Variants in SLC9A9 observed in about 807,000 individuals in gnomAD.
The protein encoded by SLC9A9 is solute carrier family 9 member A9, also known as sodium/hydrogen exchanger 9.
Under a neutral mutation model 77.8 loss-of-function variants are expected in SLC9A9, and 62 were observed. The observed-to-expected ratio is 0.80, with a 90% CI of 0.65 to 0.98. The LOEUF (loss-of-function observed/expected upper bound fraction) is 0.98, where lower values mean the gene tolerates loss of function less well. Among genes scored for constraint, SLC9A9 ranks in the 50% least tolerant of loss-of-function variants. The probability of loss-of-function intolerance (pLI) is 0.00; values close to 1 mark genes in which losing one functional copy is unlikely to be tolerated. For synonymous variants in SLC9A9, 320 were observed against 283.5 expected, an observed-to-expected ratio of 1.13 and a Z score of -1.29; for missense variants, 775 against 774.9, an observed-to-expected ratio of 1.00 and a Z score of 0.00.
At position 143,637,657 on chromosome 3, in the gene SLC9A9, G is replaced by A. The variant is rs528057272; in HGVS notation, c.755+14598C>T. Among the ~76,000 whole-genome samples the A allele has an allele frequency of 2.4e-4, 36 of 152,216 alleles. No individual in the cohort carries two copies. The South Asian group carries it at 5.4e-3, about 23-fold the overall frequency. ...TGCTTTTATAATCTATAGCTTTAGC[G>A]TAACTGACATCTAAAATCTCAACAG... On this transcript the variant is annotated intron_variant, in intron 6 of 15. Transcript: ENST00000316549.
At position 143,265,236 on chromosome 3, in the gene SLC9A9, A is replaced by AATTT. The variant is rs1321665173; in HGVS notation, c.*1462_*1465dup. ...AAACACAATCATACTTTGTAACAAA[A>AATTT]ATTTATTAGGATTAAGTCAAATTAG... On this transcript the variant is annotated 3_prime_UTR_variant, in exon 16 of 16. Coordinates refer to ENST00000316549, the MANE Select transcript of SLC9A9 (RefSeq NM_173653.4). 1 of 152,320 alleles carries AATTT rather than the reference A, an allele frequency of 6.6e-6. No individual in the cohort carries two copies. The highest frequency in any genetic ancestry group is 1.9e-4 in the East Asian group (1 of 5,180). 9.4% of individuals were successfully genotyped at this position (152,320 alleles called of 1,614,324 possible).
intron 12 of SLC9A9, among the ~76,000 whole-genome samples, chr3:143,422,082 A>G (rs2034307481): frequency 1.3e-5 from 2 of 152,192 alleles, no homozygotes; most frequent in Non-Finnish European, 2.9e-5. Flanking sequence ...AAGACAAACA[A>G]AAACAAAAAC....
intron 12 of SLC9A9, among the ~76,000 whole-genome samples, chr3:143,439,086 A>G (rs994810219): frequency 6.6e-6 from 1 of 152,178 alleles, no homozygotes; most frequent in Non-Finnish European, 1.5e-5. Context: ...TACCCTGGAG[A>G]ATCATACAGC....
At chr3:143,796,751 A>G (rs1208529906) in intron 3 of SLC9A9, 75 bp downstream of exon 3, 1 of 1,041,846 alleles carries the variant, frequency 9.6e-7, no homozygotes, top group Non-Finnish European at 1.4e-6. Flanking sequence ...GCCCATAAAA[A>G]TAACAGTTTC....
At chr3:143,285,433 T>C (rs986237782) in intron 14 of SLC9A9, among the ~76,000 whole-genome samples, 8 of 152,190 alleles carry the variant, frequency 5.3e-5, no homozygotes, top group Admixed American at 3.9e-4. Context: ...AACTGAGGCA[T>C]GGGGAGGCAA....
At chr3:143,485,784 C>A (rs1021764038) in intron 11 of SLC9A9, among the ~76,000 whole-genome samples, 1 of 151,814 alleles carries the variant, frequency 6.6e-6, no homozygotes, top group African/African-American at 2.4e-5. Context: ...GACGTGATGG[C>A]AGATATACTA....
intron 6 of SLC9A9, among the ~76,000 whole-genome samples, chr3:143,648,314 T>C (rs912120513): frequency 4.6e-5 from 7 of 152,054 alleles, no homozygotes; most frequent in Non-Finnish European, 5.9e-5. Context: ...TTTCCACGGA[T>C]TGGGGGAGGG....
intron 12 of SLC9A9, among the ~76,000 whole-genome samples, chr3:143,406,980 A>G (rs951999752): frequency 1.1e-5 from 1 of 92,652 alleles, no homozygotes; most frequent in Non-Finnish European, 2.6e-5. Flanking sequence ...CATCTCGAGA[A>G]AAAAAAAAAA....
intron 12 of SLC9A9, among the ~76,000 whole-genome samples, chr3:143,421,051 T>C (rs986501845): frequency 1.3e-5 from 2 of 152,056 alleles, no homozygotes; most frequent in Non-Finnish European, 2.9e-5. Flanking sequence ...AGACATAGAT[T>C]AAAATACCTA....
intron 4 of SLC9A9, among the ~76,000 whole-genome samples, chr3:143,735,390 A>G (rs939914457): frequency 2.6e-5 from 4 of 152,200 alleles, no homozygotes; most frequent in Non-Finnish European, 5.9e-5. Context: ...AGATTTAAAA[A>G]GCTGTACTAT....
chr3:143,641,999 CCTT>C (rs780885730), intron 6 of SLC9A9, among the ~76,000 whole-genome samples: 2 of 152,200 alleles, frequency 1.3e-5, no homozygotes, highest in Non-Finnish European at 2.9e-5. Context: ...GCTCAATTCT[CCTT>C]GTTTCTCCCT....
chr3:143,384,288 C>T (rs537511312), intron 12 of SLC9A9, among the ~76,000 whole-genome samples: 26 of 152,088 alleles, frequency 1.7e-4, no homozygotes, highest in Non-Finnish European at 1.5e-5. Flanking sequence ...TCTTATGGGG[C>T]CAGGCCACTC....
At chr3:143,758,165 C>A (rs2006990875) in intron 4 of SLC9A9, among the ~76,000 whole-genome samples, 1 of 152,166 alleles carries the variant, frequency 6.6e-6, no homozygotes, top group Admixed American at 6.6e-5. Context: ...AGGCCATTGC[C>A]AACTCATGGT....
In SLC9A9 at chr3:143,716,669, G is replaced by A. The variant is rs538698113; in HGVS notation, c.534-23362C>T. On this transcript the variant is annotated intron_variant, in intron 4 of 15. Coordinates refer to ENST00000316549, the MANE Select transcript of SLC9A9 (RefSeq NM_173653.4). ...AAATCAGTCCAGAATAGGGTTACCAGTTCAAAAGATGAGGGACAAAGTATT... is the reference window on the plus strand; with the variant it reads ...AAATCAGTCCAGAATAGGGTTACCAATTCAAAAGATGAGGGACAAAGTATT... Among the ~76,000 whole-genome samples, 8 of 152,288 alleles carry A rather than the reference G, an allele frequency of 5.3e-5. No individual in the cohort carries two copies. In the South Asian group the frequency reaches 1.5e-3, roughly 28 times the overall value.
At chr3:143,638,986 T>C (rs2038575669) in intron 6 of SLC9A9, among the ~76,000 whole-genome samples, 1 of 152,214 alleles carries the variant, frequency 6.6e-6, no homozygotes, top group South Asian at 2.1e-4. Flanking sequence ...CCTTGTTCTC[T>C]GGAAAGTTTT....
chr3:143,361,763 G>A (rs1414740659), intron 14 of SLC9A9, among the ~76,000 whole-genome samples: 1 of 152,146 alleles, frequency 6.6e-6, no homozygotes, highest in Non-Finnish European at 1.5e-5. Flanking sequence ...ATGAAAGTGA[G>A]ACAAAAACTA....
chr3:143,371,991 C>A, intron 13 of SLC9A9: 1 of 416,402 alleles, frequency 2.4e-6, no homozygotes, highest in Non-Finnish European at 4.8e-6. Flanking sequence ...AGATAAAATA[C>A]CTAGGAATAT....
At chr3:143,486,602 T>C (rs2035656129) in intron 11 of SLC9A9, among the ~76,000 whole-genome samples, 1 of 152,064 alleles carries the variant, frequency 6.6e-6, no homozygotes, top group Non-Finnish European at 1.5e-5. Flanking sequence ...GGGAACACAA[T>C]GTATAAAGAT....
chr3:143,505,272 T>C (rs1004964752), intron 9 of SLC9A9, among the ~76,000 whole-genome samples: 3 of 152,146 alleles, frequency 2.0e-5, no homozygotes, highest in Non-Finnish European at 2.9e-5. Flanking sequence ...GTATTTGAAG[T>C]TTTAAGACAA....
Sources: gnomAD v4.1 joint callset for allele counts (sites outside exome capture counted in the v4.1 genomes callset) on GRCh38, gnomAD v4.1.1 for gene constraint, MANE v1.5 for transcripts, NCBI Gene and HGNC (gene_info 2026-07-23, HGNC 2026-07-21) for gene names.